FHIT: variants seen among roughly 807,000 people sequenced by gnomAD.
The protein encoded by FHIT is fragile histidine triad diadenosine triphosphatase.
A neutral mutation model predicts 17.9 loss-of-function variants in FHIT; 19 were observed. That is an observed-to-expected ratio of 1.06 (90% CI 0.74 to 1.56). The LOEUF (loss-of-function observed/expected upper bound fraction) is 1.56. Among genes scored for constraint, FHIT ranks in the 40% most tolerant of loss-of-function variants. The pLI is 0.00. For missense variants in FHIT, 248 were observed against 189.2 expected (o/e 1.31, Z -1.82); for synonymous variants, 81 against 69.7 (o/e 1.16, Z -0.81).
At chr3:61,193,942 A>C (rs1487871504) in intron 2 of FHIT, among the ~76,000 whole-genome samples, 2 of 152,130 alleles carry the variant, frequency 1.3e-5, no homozygotes, top group African/African-American at 4.8e-5. Context: ...AGACTAAAGG[A>C]AAATAGTTTT....
At chr3:59,930,850 C>T (rs1296039896) in intron 7 of FHIT, among the ~76,000 whole-genome samples, 1 of 152,080 alleles carries the variant, frequency 6.6e-6, no homozygotes, top group African/African-American at 2.4e-5. Context: ...GAAACCCTGA[C>T]TTGTGTTCCA....
At chr3:60,632,516 C>G (rs2039472690) in intron 4 of FHIT, among the ~76,000 whole-genome samples, 1 of 152,124 alleles carries the variant, frequency 6.6e-6, no homozygotes, top group Non-Finnish European at 1.5e-5. Context: ...ACAGTTTCCG[C>G]AGGGACGTAA....
intron 5 of FHIT, among the ~76,000 whole-genome samples, chr3:60,153,185 T>C (rs567846468): frequency 1.3e-5 from 2 of 152,152 alleles, no homozygotes; most frequent in African/African-American, 4.8e-5. Flanking sequence ...AAGATGACTC[T>C]GTTTTCCAGA....
intron 5 of FHIT, among the ~76,000 whole-genome samples, chr3:60,211,907 G>C (rs1703468772): frequency 6.6e-6 from 1 of 152,060 alleles, no homozygotes; most frequent in Non-Finnish European, 1.5e-5. Flanking sequence ...CATATGATGA[G>C]GCCAATATAT....
chr3:60,601,691 A>T (rs1037136957), intron 4 of FHIT, among the ~76,000 whole-genome samples: 8 of 152,220 alleles, frequency 5.3e-5, no homozygotes, highest in African/African-American at 1.9e-4. Flanking sequence ...AGAAAATAAC[A>T]GAATGTAAAA....
At chr3:61,003,327 A>G (rs563026975) in intron 3 of FHIT, among the ~76,000 whole-genome samples, 2 of 152,340 alleles carry the variant, frequency 1.3e-5, no homozygotes, top group East Asian at 3.9e-4. Context: ...TAAGAAATTT[A>G]TCCTAATTTA....
chr3:60,723,239 T>C (rs2107968510), intron 4 of FHIT, among the ~76,000 whole-genome samples: 1 of 152,310 alleles, frequency 6.6e-6, no homozygotes, highest in South Asian at 2.1e-4. Context: ...CTGGCAGTCT[T>C]CTATTCATTG....
At chr3:60,717,267 G>A (rs2041706132) in intron 4 of FHIT, among the ~76,000 whole-genome samples, 1 of 152,044 alleles carries the variant, frequency 6.6e-6, no homozygotes, top group Admixed American at 6.6e-5. Flanking sequence ...ATTTATACTT[G>A]AAAATTGGTA....
At chr3:60,121,686 A>AAAACAAACAAAC (rs138801814) in intron 5 of FHIT, among the ~76,000 whole-genome samples, 2 of 96,828 alleles carry the variant, frequency 2.1e-5, no homozygotes, top group African/African-American at 8.8e-5. Flanking sequence ...TCTGTCTCAA[A>AAAACAAACAAAC]AAACAAACAA....
chr3:60,963,532 T>A (rs1553781926), intron 3 of FHIT, among the ~76,000 whole-genome samples: 1 of 152,230 alleles, frequency 6.6e-6, no homozygotes, highest in Non-Finnish European at 1.5e-5. Flanking sequence ...AGGGTGTCAA[T>A]TTTAGATCTT....
chr3:60,095,191 A>G (rs754589492), intron 5 of FHIT, among the ~76,000 whole-genome samples: 1 of 152,196 alleles, frequency 6.6e-6, no homozygotes, highest in African/African-American at 2.4e-5. Flanking sequence ...ACAACGATGC[A>G]TTTTGTACAT....
At chr3:59,876,864 C>T (rs985547100) in intron 8 of FHIT, among the ~76,000 whole-genome samples, 2 of 152,156 alleles carry the variant, frequency 1.3e-5, no homozygotes, top group African/African-American at 4.8e-5. Context: ...TACCCTTGAC[C>T]CAACTGGCCT....
At chr3:61,247,448 G>C (rs1053549226) in intron 1 of FHIT, among the ~76,000 whole-genome samples, 4 of 152,146 alleles carry the variant, frequency 2.6e-5, no homozygotes, top group African/African-American at 9.7e-5. Flanking sequence ...CCTTTCTAGA[G>C]ATGGACAGAA....
chr3:60,941,758 A>T (rs942580991), intron 3 of FHIT, among the ~76,000 whole-genome samples: 1 of 152,008 alleles, frequency 6.6e-6, no homozygotes, highest in Admixed American at 6.6e-5. Flanking sequence ...CTGATCCCCT[A>T]TTCGTCCTTC....
intron 4 of FHIT, among the ~76,000 whole-genome samples, chr3:60,786,807 T>C (rs1011346328): frequency 3.3e-5 from 5 of 152,210 alleles, no homozygotes; most frequent in African/African-American, 1.2e-4. Flanking sequence ...GAATGAAGAA[T>C]GAATGAATGA....
chr3:60,604,196 C>G (rs574792078), intron 4 of FHIT, among the ~76,000 whole-genome samples: 1 of 152,158 alleles, frequency 6.6e-6, no homozygotes, highest in East Asian at 1.9e-4. Flanking sequence ...TGAGTCTGGC[C>G]TTGTGTAGAG....
chr3:60,817,926 T>C lies in FHIT; in HGVS notation c.-18+3993A>G, dbSNP rs191892908. Among the ~76,000 whole-genome samples the C allele has an allele frequency of 2.1e-4, 32 of 152,034 alleles. No homozygotes were observed. In the East Asian group the frequency reaches 6.2e-3, roughly 29 times the overall value. ...ACACAGGTCCCTGAGTCTCTGTTTA[T>C]TTTTTTTATTCAGTCATTTTAAGTC... On this transcript the variant is annotated intron_variant, in intron 4 of 9. Coordinates refer to ENST00000492590, the MANE Select transcript of FHIT (RefSeq NM_002012.4).
chr3:61,081,780 T>A (rs1049505608), intron 2 of FHIT, among the ~76,000 whole-genome samples: 3 of 152,202 alleles, frequency 2.0e-5, no homozygotes, highest in Non-Finnish European at 4.4e-5. Context: ...ACTAATTACA[T>A]CTGTAATGAC....
chr3:60,747,261 C>A lies in FHIT; in HGVS notation c.-18+74658G>T, dbSNP rs146133171. Among the ~76,000 whole-genome samples, 1,035 of 152,244 alleles carry A rather than the reference C, an allele frequency of 6.8e-3. 11 individuals are homozygous for A. The highest frequency in any genetic ancestry group is 0.023 in the African/African-American group (973 of 41,544). On this transcript the variant is annotated intron_variant, in intron 4 of 9. Transcript: ENST00000492590. Reference sequence around the variant, plus strand: ...GTCTAATTCCTGCCATTCCTCGGATCTGTTTAGACATAACTTCCTCAGGAT... The same window carrying A: ...GTCTAATTCCTGCCATTCCTCGGATATGTTTAGACATAACTTCCTCAGGAT...
Sources: gnomAD v4.1 joint callset for allele counts (sites outside exome capture counted in the v4.1 genomes callset) on GRCh38, gnomAD v4.1.1 for gene constraint, MANE v1.5 for transcripts, NCBI Gene and HGNC (gene_info 2026-07-23, HGNC 2026-07-21) for gene names.